Variants in ARSB observed in about 807,000 individuals in gnomAD.
ARSB encodes N-acetylgalactosamine-4-sulfatase.
A neutral mutation model predicts 50.9 loss-of-function variants in ARSB; 41 were observed. That is an observed-to-expected ratio of 0.81 (90% CI 0.63 to 1.04). ARSB has a LOEUF of 1.04. Among genes scored for constraint, ARSB ranks in the 50% least tolerant of loss-of-function variants. The pLI is 0.00. For synonymous variants in ARSB, 269 were observed against 284.8 expected (o/e 0.94, Z 0.56); for missense variants, 672 against 693.3 (o/e 0.97, Z 0.35).
chr5:78,804,338 C>A (rs1325649387), intron 6 of ARSB, among the ~76,000 whole-genome samples: 1 of 152,112 alleles, frequency 6.6e-6, no homozygotes, highest in African/African-American at 2.4e-5. Flanking sequence ...CTTGCCACCC[C>A]ATCCGAACCA....
intron 4 of ARSB, among the ~76,000 whole-genome samples, chr5:78,924,955 C>T (rs1019147712): frequency 1.3e-5 from 2 of 152,188 alleles, no homozygotes; most frequent in Non-Finnish European, 2.9e-5. Flanking sequence ...ATTATTTTCA[C>T]ACCTGCAAAC....
At chr5:78,903,339 G>T (rs928426029) in intron 4 of ARSB, among the ~76,000 whole-genome samples, 1 of 152,182 alleles carries the variant, frequency 6.6e-6, no homozygotes, top group African/African-American at 2.4e-5. Flanking sequence ...GTCCAAGCCT[G>T]CCCACTCCAT....
At chr5:78,796,160 T>C (rs1580976594) in intron 6 of ARSB, among the ~76,000 whole-genome samples, 1 of 152,352 alleles carries the variant, frequency 6.6e-6, no homozygotes, top group African/African-American at 2.4e-5. Context: ...CAAGAGCTCT[T>C]CTCATGCTTT....
At chr5:78,979,590 A>T (rs1426496058) in intron 1 of ARSB, among the ~76,000 whole-genome samples, 1 of 152,176 alleles carries the variant, frequency 6.6e-6, no homozygotes, top group Admixed American at 6.5e-5. Flanking sequence ...TCAAACGGGC[A>T]ATGAGGGAAG....
intron 5 of ARSB, among the ~76,000 whole-genome samples, chr5:78,880,379 G>C (rs748588360): frequency 1.3e-5 from 2 of 152,102 alleles, no homozygotes; most frequent in African/African-American, 2.4e-5. Flanking sequence ...ACTATTTTTC[G>C]ATTCAATCCC....
At chr5:78,862,186 C>T (rs1443387751) in intron 5 of ARSB, among the ~76,000 whole-genome samples, 1 of 152,194 alleles carries the variant, frequency 6.6e-6, no homozygotes, top group Non-Finnish European at 1.5e-5. Flanking sequence ...AATGGCCATA[C>T]TGCCCGAGGT....
rs1041682549 is a variant in ARSB, at chr5:78,895,171, G to A, written c.899-9344C>T. Among the ~76,000 whole-genome samples, 16 of 152,264 alleles carry A rather than the reference G, an allele frequency of 1.1e-4. No individual in the cohort carries two copies. In the East Asian group the frequency reaches 2.3e-3, roughly 22 times the overall value. ...CAGACGCAATTCTAGCAATATGTGC[G>A]GTGTCTGGTGTCCTAATTTTATAGC... On this transcript the variant is annotated intron_variant, in intron 4 of 7. Transcript: ENST00000264914.
chr5:78,945,803 C>G (rs1287877068), intron 4 of ARSB, among the ~76,000 whole-genome samples: 1 of 152,160 alleles, frequency 6.6e-6, no homozygotes, highest in Non-Finnish European at 1.5e-5. Context: ...TCCTTTCTCA[C>G]AGGCTAGAAT....
At chr5:78,968,355 TTATTA>T in intron 2 of ARSB, among the ~76,000 whole-genome samples, 1 of 128,178 alleles carries the variant, frequency 7.8e-6, no homozygotes, top group African/African-American at 3.3e-5. Context: ...ATTATTATTA[TTATTA>T]TTTTTGAGAC....
chr5:78,977,067 T>C (rs781724656), intron 1 of ARSB, among the ~76,000 whole-genome samples: 1 of 152,148 alleles, frequency 6.6e-6, no homozygotes, highest in African/African-American at 2.4e-5. Context: ...CCTTCCTGAG[T>C]CAAGATCACT....
intron 5 of ARSB, among the ~76,000 whole-genome samples, chr5:78,846,349 T>C (rs924285959): frequency 6.6e-6 from 1 of 152,334 alleles, no homozygotes; most frequent in Non-Finnish European, 1.5e-5. Flanking sequence ...TCATTCAGGA[T>C]TGCTTTGGCT....
At chr5:78,806,018 C>A (rs1382698579) in intron 6 of ARSB, among the ~76,000 whole-genome samples, 1 of 152,248 alleles carries the variant, frequency 6.6e-6, no homozygotes, top group Non-Finnish European at 1.5e-5. Flanking sequence ...TAAAATGAGA[C>A]TAATACTACC....
chr5:78,828,977 C>G (rs1744556442), intron 6 of ARSB, among the ~76,000 whole-genome samples: 1 of 152,154 alleles, frequency 6.6e-6, no homozygotes, highest in South Asian at 2.1e-4. Flanking sequence ...AAGCCAGGTT[C>G]AAAGAATGTG....
intron 5 of ARSB, among the ~76,000 whole-genome samples, chr5:78,850,929 G>A (rs55767859): frequency 0.13 from 19,142 of 151,930 alleles, 1,406 homozygotes; most frequent in Middle Eastern, 0.21. Context: ...TTTTTATTGC[G>A]TCTATTTGAT....
chr5:78,819,020 G>A (rs968009095), intron 6 of ARSB, among the ~76,000 whole-genome samples: 5 of 152,172 alleles, frequency 3.3e-5, no homozygotes, highest in Admixed American at 2.0e-4. Flanking sequence ...GTGAATACCC[G>A]TTGAAGGAGT....
chr5:78,979,702 G>A (rs1033189133), intron 1 of ARSB, among the ~76,000 whole-genome samples: 7 of 152,064 alleles, frequency 4.6e-5, no homozygotes, highest in East Asian at 1.9e-4. Context: ...AACCATCTGC[G>A]AGCCTGAATT....
At chr5:78,788,446 A>G (rs1310697372) in intron 6 of ARSB, among the ~76,000 whole-genome samples, 4 of 152,146 alleles carry the variant, frequency 2.6e-5, no homozygotes, top group Admixed American at 2.0e-4. Context: ...TAGGTTCTGG[A>G]AGTAACTCAG....
At chr5:78,877,983 A>C (rs1457764763) in intron 5 of ARSB, among the ~76,000 whole-genome samples, 2 of 152,218 alleles carry the variant, frequency 1.3e-5, no homozygotes, top group Non-Finnish European at 2.9e-5. Flanking sequence ...TGAGATGAAA[A>C]ATACATTGCA....
intron 5 of ARSB, among the ~76,000 whole-genome samples, chr5:78,851,075 T>A (rs1745749991): frequency 6.6e-6 from 1 of 152,220 alleles, no homozygotes; most frequent in South Asian, 2.1e-4. Flanking sequence ...TCTGCTCTGA[T>A]CTTAGTTATT....
Sources: gnomAD v4.1 joint callset for allele counts (sites outside exome capture counted in the v4.1 genomes callset) on GRCh38, gnomAD v4.1.1 for gene constraint, MANE v1.5 for transcripts, NCBI Gene and HGNC (gene_info 2026-07-23, HGNC 2026-07-21) for gene names.